ZEB2: variants seen among roughly 807,000 people sequenced by gnomAD.
ZEB2 encodes the protein zinc finger E-box-binding homeobox 2.
In ZEB2, 6 loss-of-function variants were observed where a neutral mutation model predicts 99.9. The observed-to-expected ratio is 0.06, with a 90% CI of 0.03 to 0.12. The LOEUF (loss-of-function observed/expected upper bound fraction) is 0.12. ZEB2 is among the 10% of genes least tolerant of loss of function. ZEB2 has a pLI of 1.00. For missense variants in ZEB2, 969 were observed against 1,502.8 expected (o/e 0.64, Z 5.87); for synonymous variants, 517 against 542.5 (o/e 0.95, Z 0.65).
At chr2:144,455,090 A>G (rs1704103590) in intron 2 of ZEB2, 1 of 152,180 alleles carries the variant, frequency 6.6e-6, no homozygotes. Context: ...TCAGTCAGAG[A>G]TAACAGCTAA....
chr2:144,427,705 A>G (rs1218202204), intron 3 of ZEB2: 1 of 152,230 alleles, frequency 6.6e-6, no homozygotes, highest in African/African-American at 2.4e-5. Context: ...ACAATAAATC[A>G]TTAGTAATCA....
chr2:144,460,571 G>A lies in ZEB2; in HGVS notation c.74-30545C>T, dbSNP rs202078115. On this transcript the variant is annotated intron_variant, in intron 2 of 9. Transcript: ENST00000627532. ...TGAATCTTAGAACGGGGCACCTGGC[G>A]TAAAAAAGAAAATTTCAATCTCATC... 3.9e-5 allele frequency among the ~76,000 whole-genome samples: 6 copies of A among 152,000 alleles called. No individual in the cohort carries two copies. In the South Asian group the frequency reaches 6.2e-4, roughly 16 times the overall value.
At chr2:144,401,361 T>C in intron 6 of ZEB2, 54 bp from the exon 7 acceptor site, 2 of 1,577,872 alleles carry the variant, frequency 1.3e-6, no homozygotes, top group Non-Finnish European at 1.7e-6. Flanking sequence ...CAAAGAAAAT[T>C]TGTTACAAAT....
At chr2:144,411,093 A>G (rs1298241625) in intron 4 of ZEB2, among the ~76,000 whole-genome samples, 9 of 108,402 alleles carry the variant, frequency 8.3e-5, no homozygotes, top group African/African-American at 2.7e-4. Flanking sequence ...ATATATATAT[A>G]TATATATGTA....
intron 3 of ZEB2, chr2:144,428,882 C>T (rs929453979): frequency 3.9e-5 from 6 of 152,084 alleles, no homozygotes; most frequent in African/African-American, 1.4e-4. Context: ...ACAATGATAA[C>T]TCTCAGTGGG....
chr2:144,476,190 A>G (rs562789077), intron 2 of ZEB2, among the ~76,000 whole-genome samples: 1 of 151,716 alleles, frequency 6.6e-6, no homozygotes, highest in African/African-American at 2.4e-5. Flanking sequence ...CTAATTTTGT[A>G]GTTCTCATTT....
At chr2:144,407,458 A>G (rs1036057301) in intron 4 of ZEB2, among the ~76,000 whole-genome samples, 29 of 152,206 alleles carry the variant, frequency 1.9e-4, no homozygotes, top group African/African-American at 6.8e-4. Flanking sequence ...TGATGATGTC[A>G]TTTCACTTGC....
chr2:144,447,015 CAAAA>C (rs200426124), intron 2 of ZEB2, among the ~76,000 whole-genome samples: 1 of 74,490 alleles, frequency 1.3e-5, no homozygotes, highest in African/African-American at 4.8e-5. Context: ...GACACTGTTT[CAAAA>C]AAAAAAAAAA....
rs557069968 is a variant in ZEB2, at chr2:144,507,676, C to A, written c.73+9602G>T. Among the ~76,000 whole-genome samples, 6 of 152,330 alleles carry A rather than the reference C, an allele frequency of 3.9e-5. No individual in the cohort carries two copies. The South Asian group carries it at 1.0e-3, about 26-fold the overall frequency. On this transcript the variant is annotated intron_variant, in intron 2 of 9. Coordinates refer to ENST00000627532, the MANE Select transcript of ZEB2 (RefSeq NM_014795.4). Reference sequence around the variant, plus strand: ...CAGCAGCCACTGTAAACGTACATGGCTTTATCAGCTCTCATAGTTTCTTGG... The same window carrying A: ...CAGCAGCCACTGTAAACGTACATGGATTTATCAGCTCTCATAGTTTCTTGG...
chr2:144,513,926 C>T, intron 2 of ZEB2: 1 of 1,471,978 alleles, frequency 6.8e-7, no homozygotes, highest in Non-Finnish European at 9.0e-7. Flanking sequence ...ACTGAACTTT[C>T]TTGAAACCGA....
chr2:144,442,449 G>A (rs1703929781), intron 2 of ZEB2, among the ~76,000 whole-genome samples: 1 of 152,104 alleles, frequency 6.6e-6, no homozygotes, highest in African/African-American at 2.4e-5. Context: ...GCTATGTACT[G>A]TTAGGCTCAC....
At chr2:144,465,858 G>C (rs1473069535) in intron 2 of ZEB2, among the ~76,000 whole-genome samples, 1 of 152,160 alleles carries the variant, frequency 6.6e-6, no homozygotes, top group African/African-American at 2.4e-5. Context: ...CAGGAAGCCA[G>C]ATGTGCCTTC....
chr2:144,445,269 T>A (rs1043402017), intron 2 of ZEB2, among the ~76,000 whole-genome samples: 2 of 143,912 alleles, frequency 1.4e-5, no homozygotes, highest in Admixed American at 1.4e-4. Flanking sequence ...CCTCCTCTTT[T>A]TTTTTTTTTT....
At chr2:144,466,960 A>C (rs1340954883) in intron 2 of ZEB2, among the ~76,000 whole-genome samples, 4 of 152,142 alleles carry the variant, frequency 2.6e-5, no homozygotes, top group Non-Finnish European at 5.9e-5. Context: ...AACGTGCTCT[A>C]ATTACATATT....
intron 2 of ZEB2, among the ~76,000 whole-genome samples, chr2:144,508,407 GAC>G (rs1704981337): frequency 6.6e-6 from 1 of 152,202 alleles, no homozygotes; most frequent in Non-Finnish European, 1.5e-5. Context: ...CTTGCAGCCT[GAC>G]ACACGGTGTA....
chr2:144,476,332 G>A (rs1487865336), intron 2 of ZEB2, among the ~76,000 whole-genome samples: 1 of 152,030 alleles, frequency 6.6e-6, no homozygotes, highest in Non-Finnish European at 1.5e-5. Context: ...ATTCCCACAG[G>A]GCAGTACCTA....
At chr2:144,429,236 C>G (rs1236342972) in intron 3 of ZEB2, 1 of 159,096 alleles carries the variant, frequency 6.3e-6, no homozygotes, top group Non-Finnish European at 1.4e-5. Flanking sequence ...AAGAAAGCTA[C>G]CTGACCAGGT....
intron 2 of ZEB2, among the ~76,000 whole-genome samples, chr2:144,509,691 T>C (rs971575802): frequency 6.6e-6 from 1 of 152,102 alleles, no homozygotes; most frequent in South Asian, 2.1e-4. Flanking sequence ...ATTATTGGTA[T>C]CTCAAAAGTG....
At chr2:144,469,767 AAAG>A (rs1439433458) in intron 2 of ZEB2, among the ~76,000 whole-genome samples, 1 of 152,204 alleles carries the variant, frequency 6.6e-6, no homozygotes, top group Non-Finnish European at 1.5e-5. Flanking sequence ...GGAAAACATC[AAAG>A]AAACAAGAGT....
Sources: gnomAD v4.1 joint callset for allele counts (sites outside exome capture counted in the v4.1 genomes callset) on GRCh38, gnomAD v4.1.1 for gene constraint, MANE v1.5 for transcripts, NCBI Gene and HGNC (gene_info 2026-07-23, HGNC 2026-07-21) for gene names.